The following PPP2R5A variants were observed in gnomAD, a reference collection of about 807,000 sequenced individuals.
The protein encoded by PPP2R5A is protein phosphatase 2 regulatory subunit B'alpha.
In PPP2R5A, 25 loss-of-function variants were observed where a neutral mutation model predicts 64.2. The observed-to-expected ratio is 0.39, with a 90% confidence interval of 0.28 to 0.54. The LOEUF (loss-of-function observed/expected upper bound fraction) is 0.54. PPP2R5A is among the 20% of genes least tolerant of loss of function. The probability of loss-of-function intolerance (pLI) is 0.67; values close to 1 mark genes in which losing one functional copy is unlikely to be tolerated. For synonymous variants in PPP2R5A, 198 were observed against 201.2 expected, an observed-to-expected ratio of 0.98 and a Z score of 0.13; for missense variants, 425 against 576.3, an observed-to-expected ratio of 0.74 and a Z score of 2.69.
chr1:212,356,724 T>C, intron 9 of PPP2R5A, 48 bp downstream of exon 9: 1 of 1,574,852 alleles, frequency 6.3e-7, no homozygotes, highest in Non-Finnish European at 8.7e-7. Context: ...AACTTGTCAA[T>C]CCCAGGGCTA....
At chr1:212,293,715 G>T (rs1423340724) in intron 1 of PPP2R5A, among the ~76,000 whole-genome samples, 2 of 151,732 alleles carry the variant, frequency 1.3e-5, no homozygotes, top group East Asian at 1.9e-4. Context: ...TTTGGTGGGG[G>T]TAGTCTAACT....
rs1363071777 is a variant in PPP2R5A, at chr1:212,360,708, C to G, written c.1399C>G (p.Leu467Val). The G allele has an allele frequency of 6.3e-7, 1 of 1,597,912 alleles. No homozygotes were observed. The highest frequency in any genetic ancestry group is 2.2e-5 in the East Asian group (1 of 44,510). ...KLEELKLKKA[L>V]EKQNSAYNMH... ...AGAGGAGCTAAAGCTAAAGAAAGCT[C>G]TAGAAAAACAGAATAGTGCTTACAA... Residue 467 changes from leucine (L) to valine (V), a missense_variant, in exon 13 of 13, where the codon CTA becomes GTA. Leu to Val is a conservative substitution (Grantham distance 32). Transcript: ENST00000261461.
chr1:212,293,009 CT>C (rs2102410426), intron 1 of PPP2R5A, among the ~76,000 whole-genome samples: 1 of 152,250 alleles, frequency 6.6e-6, no homozygotes, highest in Non-Finnish European at 1.5e-5. Flanking sequence ...TTCTTTTCTG[CT>C]TATCACTAGA....
intron 3 of PPP2R5A, among the ~76,000 whole-genome samples, chr1:212,336,972 C>A (rs1659602040): frequency 6.6e-6 from 1 of 152,064 alleles, no homozygotes; most frequent in South Asian, 2.1e-4. Context: ...GTTTCCCCAC[C>A]CTTTTCATGA....
chr1:212,319,315 G>A (rs781046643), intron 1 of PPP2R5A: 13 of 152,196 alleles, frequency 8.5e-5, no homozygotes, highest in Non-Finnish European at 1.9e-4. Context: ...TGTTTCTAAA[G>A]ATGTTTTCAT....
chr1:212,342,372 T>C (rs1475769917), intron 4 of PPP2R5A, 92 bp downstream of exon 4: 3 of 1,442,320 alleles, frequency 2.1e-6, no homozygotes, highest in African/African-American at 2.9e-5. Flanking sequence ...TTCAAAACTT[T>C]AATGGTTTAA....
intron 1 of PPP2R5A, among the ~76,000 whole-genome samples, chr1:212,315,276 G>A (rs1389169128): frequency 6.6e-6 from 1 of 152,110 alleles, no homozygotes; most frequent in Non-Finnish European, 1.5e-5. Flanking sequence ...AGTTTGTAAG[G>A]CAGAGGAATA....
rs527573812 is a variant in PPP2R5A at position 212,335,301 on chromosome 1, C to A, written c.480+1703C>A. On this transcript the variant is annotated intron_variant, in intron 3 of 12. Coordinates refer to ENST00000261461, the MANE Select transcript of PPP2R5A (RefSeq NM_006243.4). ...TCCAGACCAGCCTAACATGGAGAAA[C>A]CCCATCTCTACTAAAAATACAAAAT... Among the ~76,000 whole-genome samples, 171 of 152,002 alleles carry A rather than the reference C, an allele frequency of 1.1e-3. 1 individual carries two copies. Among genetic ancestry groups the A allele is most frequent in the African/African-American group, 3.9e-3 (160 of 41,472 alleles).
At chr1:212,298,855 C>T (rs1466424461) in intron 1 of PPP2R5A, among the ~76,000 whole-genome samples, 3 of 39,530 alleles carry the variant, frequency 7.6e-5, no homozygotes, top group Admixed American at 1.9e-4. Context: ...ACCTCCCGGA[C>T]GGGGCGGCTG....
At chr1:212,313,056 C>T (rs560726748) in intron 1 of PPP2R5A, among the ~76,000 whole-genome samples, 2 of 152,310 alleles carry the variant, frequency 1.3e-5, no homozygotes, top group South Asian at 4.1e-4. Flanking sequence ...CTAGCCACCT[C>T]AGTAGCCCTA....
intron 3 of PPP2R5A, among the ~76,000 whole-genome samples, chr1:212,335,069 A>C (rs1336798115): frequency 6.6e-6 from 1 of 151,748 alleles, no homozygotes; most frequent in Non-Finnish European, 1.5e-5. Flanking sequence ...AGCTCTGTTC[A>C]ATTTTCTTCA....
At chr1:212,352,273 C>T (rs1659899737) in intron 8 of PPP2R5A, among the ~76,000 whole-genome samples, 1 of 151,790 alleles carries the variant, frequency 6.6e-6, no homozygotes, top group Non-Finnish European at 1.5e-5. Context: ...AGGCAGTGTG[C>T]CTTCCTTGGC....
chr1:212,328,740 T>C (rs145547020), intron 1 of PPP2R5A, among the ~76,000 whole-genome samples: 1 of 152,216 alleles, frequency 6.6e-6, no homozygotes, highest in Non-Finnish European at 1.5e-5. Flanking sequence ...GAGTCTGAAA[T>C]GGCAGCGGGA....
intron 1 of PPP2R5A, among the ~76,000 whole-genome samples, chr1:212,295,257 T>G (rs1262898640): frequency 6.6e-6 from 1 of 152,102 alleles, no homozygotes; most frequent in Non-Finnish European, 1.5e-5. Context: ...TGGGGTGGTA[T>G]CATAGGCAAA....
In PPP2R5A at chr1:212,329,349, T is replaced by A; in HGVS notation, c.378+18T>A. On this transcript the variant is annotated intron_variant, in intron 2 of 12. Coordinates refer to ENST00000261461, the MANE Select transcript of PPP2R5A (RefSeq NM_006243.4). ...TAAAAATGGTAAGCCTCTAGAATTA[T>A]GTTCCTCAGATTTATGTAAATTTAA... 6.7e-7 allele frequency: 1 copy of A among 1,502,274 alleles called. No homozygotes were observed. The highest frequency in any genetic ancestry group is 8.9e-7 in the Non-Finnish European group (1 of 1,119,614). The allele number at this position is 1,502,274 out of a possible 1,614,324, so 93.1% of individuals were successfully genotyped here.
intron 1 of PPP2R5A, among the ~76,000 whole-genome samples, chr1:212,311,563 A>C (rs1659033991): frequency 6.6e-6 from 1 of 151,992 alleles, no homozygotes; most frequent in Non-Finnish European, 1.5e-5. Context: ...TACTATTTTT[A>C]TCATTATTTT....
At chr1:212,350,904 G>A (rs905032516) in intron 8 of PPP2R5A, among the ~76,000 whole-genome samples, 5 of 151,432 alleles carry the variant, frequency 3.3e-5, no homozygotes, top group Non-Finnish European at 2.9e-5. Flanking sequence ...TTGGGAGGCC[G>A]AGGCAGGCGG....
intron 1 of PPP2R5A, among the ~76,000 whole-genome samples, chr1:212,292,482 TTATAGTC>T (rs1046816737): frequency 7.5e-6 from 1 of 134,218 alleles, no homozygotes; most frequent in African/African-American, 2.5e-5. Flanking sequence ...GTTGGTTGTC[TTATAGTC>T]ACTCCTTCCC....
intron 4 of PPP2R5A, 74 bp from the exon 5 acceptor site, chr1:212,345,729 C>CT: frequency 1.3e-6 from 2 of 1,491,286 alleles, no homozygotes; most frequent in South Asian, 2.6e-5. Context: ...CATGGATAAT[C>CT]TTTAAGATCA....
Sources: gnomAD v4.1 joint callset for allele counts (sites outside exome capture counted in the v4.1 genomes callset) on GRCh38, gnomAD v4.1.1 for gene constraint, MANE v1.5 for transcripts, NCBI Gene and HGNC (gene_info 2026-07-23, HGNC 2026-07-21) for gene names.